The following FARS2 variants were observed in gnomAD, a reference collection of about 807,000 sequenced individuals.
FARS2 encodes the protein phenylalanyl-tRNA synthetase 2, mitochondrial, also known as phenylalanine--tRNA ligase, mitochondrial.
FARS2 carries 40 observed loss-of-function variants against 46.4 expected under a neutral mutation model. That is an observed-to-expected ratio of 0.86 (90% CI 0.67 to 1.12). The LOEUF (loss-of-function observed/expected upper bound fraction) is 1.12. FARS2 is among the 50% of genes most tolerant of loss of function. The probability of loss-of-function intolerance (pLI) is 0.00; values close to 1 mark genes in which losing one functional copy is unlikely to be tolerated. For synonymous variants in FARS2, 234 were observed against 214.9 expected, an observed-to-expected ratio of 1.09 and a Z score of -0.78; for missense variants, 513 against 567.9, an observed-to-expected ratio of 0.90 and a Z score of 0.98.
intron 3 of FARS2, among the ~76,000 whole-genome samples, chr6:5,411,537 G>A (rs1347555972): frequency 6.6e-6 from 1 of 152,112 alleles, no homozygotes; most frequent in East Asian, 1.9e-4. Flanking sequence ...GAAATATTGA[G>A]CAACTCTTTT....
intron 5 of FARS2, among the ~76,000 whole-genome samples, chr6:5,607,568 C>CTTG (rs1774915629): frequency 6.6e-6 from 1 of 152,022 alleles, no homozygotes; most frequent in Admixed American, 6.5e-5. Flanking sequence ...TCATCATGAC[C>CTTG]TTGTTCCACC....
intron 5 of FARS2, chr6:5,609,357 C>T (rs376354457): frequency 1.6e-6 from 2 of 1,239,668 alleles, no homozygotes; most frequent in Admixed American, 3.4e-5. Context: ...AAAGTTTCCT[C>T]CCTTCATGGG....
At chr6:5,429,259 C>T (rs1374927714) in intron 3 of FARS2, among the ~76,000 whole-genome samples, 3 of 151,770 alleles carry the variant, frequency 2.0e-5, no homozygotes, top group Non-Finnish European at 4.4e-5. Context: ...GTCTATTTAA[C>T]ACAGAGAAAA....
At chr6:5,742,616 G>C (rs1478338165) in intron 6 of FARS2, among the ~76,000 whole-genome samples, 1 of 151,426 alleles carries the variant, frequency 6.6e-6, no homozygotes, top group East Asian at 1.9e-4. Context: ...TGTTTTCTTG[G>C]TTTGGTTGTT....
At chr6:5,608,183 T>C (rs1338867830) in intron 5 of FARS2, among the ~76,000 whole-genome samples, 1 of 152,194 alleles carries the variant, frequency 6.6e-6, no homozygotes, top group Non-Finnish European at 1.5e-5. Flanking sequence ...TGCAGTGTGA[T>C]AAATGTAAGG....
chr6:5,489,241 A>T (rs1766956372), intron 4 of FARS2, among the ~76,000 whole-genome samples: 1 of 151,980 alleles, frequency 6.6e-6, no homozygotes, highest in African/African-American at 2.4e-5. Flanking sequence ...ATCACTTGAG[A>T]TCAGGAGTTT....
chr6:5,263,844 C>T (rs1765361591), intron 1 of FARS2, among the ~76,000 whole-genome samples: 2 of 152,284 alleles, frequency 1.3e-5, no homozygotes, highest in African/African-American at 4.8e-5. Context: ...CAACAATTTA[C>T]TGTCCTTAAG....
intron 6 of FARS2, among the ~76,000 whole-genome samples, chr6:5,713,372 C>T (rs891923250): frequency 1.3e-5 from 2 of 152,198 alleles, no homozygotes; most frequent in Non-Finnish European, 2.9e-5. Context: ...AAAATCACTA[C>T]TTATTTTGGC....
intron 1 of FARS2, among the ~76,000 whole-genome samples, chr6:5,347,435 C>A (rs762894061): frequency 1.3e-5 from 2 of 151,804 alleles, no homozygotes; most frequent in Non-Finnish European, 2.9e-5. Context: ...TTCTTTGTGT[C>A]TGGTTTCCTT....
chr6:5,503,207 A>G (rs2150385507), intron 4 of FARS2, among the ~76,000 whole-genome samples: 1 of 151,278 alleles, frequency 6.6e-6, no homozygotes, highest in South Asian at 2.1e-4. Context: ...AAAATATTTT[A>G]AGAAAATAGT....
intron 4 of FARS2, among the ~76,000 whole-genome samples, chr6:5,433,720 A>C (rs1423980381): frequency 6.6e-6 from 1 of 152,222 alleles, no homozygotes; most frequent in Non-Finnish European, 1.5e-5. Context: ...GTTTTTTAGA[A>C]AAAGACTTCA....
intron 6 of FARS2, among the ~76,000 whole-genome samples, chr6:5,756,725 G>A (rs1561839962): frequency 2.0e-5 from 3 of 152,190 alleles, no homozygotes; most frequent in Non-Finnish European, 2.9e-5. Flanking sequence ...CTAGGTACAT[G>A]TAGCAGTAGA....
At chr6:5,410,149 G>GTTTTTTTTTTTTTTTTT in intron 3 of FARS2, among the ~76,000 whole-genome samples, 1 of 120,542 alleles carries the variant, frequency 8.3e-6, no homozygotes, top group South Asian at 2.8e-4. Flanking sequence ...TCGTTTTTGT[G>GTTTTTTTTTTTTTTTTT]TTTTTTTGTT....
At chr6:5,397,369 G>A (rs1760971645) in intron 2 of FARS2, among the ~76,000 whole-genome samples, 1 of 152,178 alleles carries the variant, frequency 6.6e-6, no homozygotes, top group African/African-American at 2.4e-5. Flanking sequence ...TATAATGGTG[G>A]ATGTATGTTC....
chr6:5,745,131 C>T (rs575234972), intron 6 of FARS2, among the ~76,000 whole-genome samples: 2 of 152,200 alleles, frequency 1.3e-5, no homozygotes, highest in South Asian at 2.1e-4. Flanking sequence ...TGAGTTAGGG[C>T]GATAGCAGCA....
intron 1 of FARS2, among the ~76,000 whole-genome samples, chr6:5,269,860 G>T (rs1306481366): frequency 6.6e-6 from 1 of 152,126 alleles, no homozygotes; most frequent in Non-Finnish European, 1.5e-5. Context: ...GATTTCTTTG[G>T]TATTATAGTG....
chr6:5,514,089 C>CAT (rs57189455), intron 4 of FARS2, among the ~76,000 whole-genome samples: 33,925 of 146,876 alleles, frequency 0.23, 3,954 homozygotes, highest in East Asian at 0.35. Flanking sequence ...AAAATCTGGA[C>CAT]ATATATATAT....
chr6:5,557,727 C>G (rs4960099), intron 5 of FARS2, among the ~76,000 whole-genome samples: 20,536 of 152,068 alleles, frequency 0.14, 1,886 homozygotes, highest in East Asian at 0.3. Context: ...CTTCTGCTGA[C>G]TAATGCTTGA....
upstream of FARS2, chr6:5,261,023 T>C: frequency 9.9e-7 from 1 of 1,005,188 alleles, no homozygotes; most frequent in Non-Finnish European, 1.2e-6. Flanking sequence ...GCCCGGAGGC[T>C]CGGGACCCAG....
Sources: gnomAD v4.1 joint callset for allele counts (sites outside exome capture counted in the v4.1 genomes callset) on GRCh38, gnomAD v4.1.1 for gene constraint, MANE v1.5 for transcripts, NCBI Gene and HGNC (gene_info 2026-07-23, HGNC 2026-07-21) for gene names.